Variants in NR5A2 observed in about 807,000 individuals in gnomAD.
NR5A2 encodes CYP7A promoter-binding factor.
Under a neutral mutation model 62.7 loss-of-function variants are expected in NR5A2, and 26 were observed. The observed-to-expected ratio is 0.41, with a 90% CI of 0.30 to 0.58. The LOEUF is 0.58. NR5A2 is among the 20% of genes least tolerant of loss of function. The pLI is 0.22. For missense variants in NR5A2, 541 were observed against 669.1 expected (o/e 0.81, Z 2.11); for synonymous variants, 246 against 241.7 (o/e 1.02, Z -0.16).
chr1:200,143,972 G>C (rs902185895), intron 7 of NR5A2, among the ~76,000 whole-genome samples: 1 of 152,008 alleles, frequency 6.6e-6, no homozygotes, highest in Non-Finnish European at 1.5e-5. Context: ...CCACTGCTCT[G>C]CATTTCTGCT....
chr1:200,067,605 C>A (rs1287836379), intron 5 of NR5A2, among the ~76,000 whole-genome samples: 4 of 151,740 alleles, frequency 2.6e-5, no homozygotes, highest in East Asian at 3.9e-4. Context: ...CACAAGGGAA[C>A]AACAGACACG....
At chr1:200,172,682 G>A (rs1654235716) in intron 7 of NR5A2, among the ~76,000 whole-genome samples, 1 of 152,204 alleles carries the variant, frequency 6.6e-6, no homozygotes, top group South Asian at 2.1e-4. Flanking sequence ...GCGAATGTAT[G>A]ACAGCCCAGT....
At chr1:200,112,822 C>G (rs1666020496) in intron 6 of NR5A2, among the ~76,000 whole-genome samples, 2 of 152,178 alleles carry the variant, frequency 1.3e-5, no homozygotes, top group South Asian at 4.1e-4. Flanking sequence ...TGCCTCCCAC[C>G]TTCACCGAAC....
At chr1:200,142,938 C>T (rs1667509615) in intron 7 of NR5A2, among the ~76,000 whole-genome samples, 2 of 152,070 alleles carry the variant, frequency 1.3e-5, no homozygotes, top group South Asian at 4.1e-4. Flanking sequence ...TCAGATTCTT[C>T]CATAGAAATA....
chr1:200,139,030 G>A (rs1001492404), intron 7 of NR5A2, among the ~76,000 whole-genome samples: 6 of 152,088 alleles, frequency 3.9e-5, no homozygotes, highest in East Asian at 1.9e-4. Flanking sequence ...AGACTTTCCC[G>A]TTCATGAACA....
intron 7 of NR5A2, among the ~76,000 whole-genome samples, chr1:200,137,138 T>TTTTA (rs1334513480): frequency 1.6e-5 from 2 of 125,416 alleles, no homozygotes; most frequent in East Asian, 2.4e-4. Context: ...CCTGGCCAGA[T>TTTTA]TTTATTTTAT....
At chr1:200,043,505 T>G (rs1453797431) in intron 2 of NR5A2, among the ~76,000 whole-genome samples, 1 of 152,264 alleles carries the variant, frequency 6.6e-6, no homozygotes, top group Non-Finnish European at 1.5e-5. Context: ...GTTATGAGAC[T>G]TGTGTTTAAA....
At chr1:200,133,346 C>A (rs1418489008) in intron 7 of NR5A2, among the ~76,000 whole-genome samples, 1 of 151,914 alleles carries the variant, frequency 6.6e-6, no homozygotes, top group Non-Finnish European at 1.5e-5. Context: ...GTACATGGAG[C>A]TCTGTGCCAT....
At chr1:200,053,126 A>G (rs1558107938) in intron 5 of NR5A2, among the ~76,000 whole-genome samples, 1 of 152,176 alleles carries the variant, frequency 6.6e-6, no homozygotes, top group African/African-American at 2.4e-5. Flanking sequence ...TTGGAATGAA[A>G]AAGAAGAAGT....
In NR5A2 at chr1:200,147,897, G is replaced by A. The variant is rs1667788168; in HGVS notation, c.1379-26066G>A. 7.5e-6 allele frequency: 3 copies of A among 400,530 alleles called. No individual in the cohort carries two copies. Among genetic ancestry groups the A allele is most frequent in the Non-Finnish European group, 1.4e-5 (3 of 216,068 alleles). The allele number at this position is 400,530 out of a possible 1,614,324, so 24.8% of individuals were successfully genotyped here. A position where few individuals can be genotyped will look rare whatever the true frequency, so the allele number is the denominator to read the frequency against. ...CCCCGGAGCGGTGGCCGGCGCGCGG[G>A]GAGAAGCTGCGGGCTGTGATGTGGT... On this transcript the variant is annotated intron_variant, in intron 7 of 7. Coordinates refer to ENST00000367362, the MANE Select transcript of NR5A2 (RefSeq NM_205860.3). This position sits in a 1 kb window ranked among gnomAD's most constrained non-coding sequence, Gnocchi z 4.9.
At chr1:200,055,035 C>T (rs997359604) in intron 5 of NR5A2, among the ~76,000 whole-genome samples, 2 of 151,648 alleles carry the variant, frequency 1.3e-5, no homozygotes, top group Non-Finnish European at 2.9e-5. Flanking sequence ...TAGCTGGGAC[C>T]ACAGGCGCAT....
chr1:200,138,152 A>G (rs923965438), intron 7 of NR5A2, among the ~76,000 whole-genome samples: 2 of 152,216 alleles, frequency 1.3e-5, no homozygotes, highest in African/African-American at 4.8e-5. Context: ...GATATTTATT[A>G]CAAACAATGT....
intron 5 of NR5A2, among the ~76,000 whole-genome samples, chr1:200,099,801 C>A (rs571170890): frequency 6.6e-6 from 1 of 152,130 alleles, no homozygotes; most frequent in African/African-American, 2.4e-5. Context: ...ACCGTGTTAG[C>A]CAGGATGATC....
chr1:200,136,691 G>A (rs1667237308), intron 7 of NR5A2, among the ~76,000 whole-genome samples: 1 of 152,238 alleles, frequency 6.6e-6, no homozygotes, highest in Non-Finnish European at 1.5e-5. Context: ...TAGATCAGAA[G>A]GCACTATACC....
At chr1:200,109,097 A>G (rs1665823623) in intron 5 of NR5A2, among the ~76,000 whole-genome samples, 2 of 152,206 alleles carry the variant, frequency 1.3e-5, no homozygotes, top group African/African-American at 2.4e-5. Flanking sequence ...GACTGCGTTT[A>G]TCTTGTCCAC....
In NR5A2 at chr1:200,048,125, A is replaced by G. The variant is rs1662459303; in HGVS notation, c.464-47A>G. 6.7e-7 allele frequency: 1 copy of G among 1,490,776 alleles called. No individual in the cohort carries two copies. The allele number at this position is 1,490,776 out of a possible 1,614,324, so 92.3% of individuals were successfully genotyped here. On this transcript the variant is annotated intron_variant, in intron 4 of 7. Transcript: ENST00000367362. This position sits in a 1 kb window ranked among gnomAD's most constrained non-coding sequence, Gnocchi z 4.8. ...TATCTGAAGAATGCTAATAATTTGC[A>G]CCTTATTTATACCTTTCCTTCCTTC...
intron 7 of NR5A2, among the ~76,000 whole-genome samples, chr1:200,123,029 G>A (rs1460408348): frequency 2.6e-5 from 4 of 152,104 alleles, no homozygotes; most frequent in African/African-American, 9.7e-5. Flanking sequence ...TGTGATTAAG[G>A]GTGAAATCAT....
intron 1 of NR5A2, chr1:200,038,671 C>T (rs755594478): frequency 1.5e-6 from 2 of 1,357,486 alleles, no homozygotes; most frequent in Admixed American, 1.9e-5. Context: ...CCCACCCGCG[C>T]CCCCATCCCT....
intron 7 of NR5A2, among the ~76,000 whole-genome samples, chr1:200,160,453 T>C (rs1653591230): frequency 6.6e-6 from 1 of 152,222 alleles, no homozygotes; most frequent in African/African-American, 2.4e-5. Context: ...TGTCGAGCAC[T>C]ACCAAAGCTG....
Sources: gnomAD v4.1 joint callset for allele counts (sites outside exome capture counted in the v4.1 genomes callset) on GRCh38, gnomAD v4.1.1 for gene constraint, Gnocchi (gnomAD v3.1) non-coding constraint, MANE v1.5 for transcripts, NCBI Gene and HGNC (gene_info 2026-07-23, HGNC 2026-07-21) for gene names.